Variants in SENP7 observed in about 807,000 individuals in gnomAD.
The protein encoded by SENP7 is sentrin-specific protease 7.
In SENP7, 64 loss-of-function variants were observed where a neutral mutation model predicts 141.2. That is an observed-to-expected ratio of 0.45 (90% CI 0.37 to 0.56). The LOEUF (loss-of-function observed/expected upper bound fraction) is 0.56. Among genes scored for constraint, SENP7 ranks in the 20% least tolerant of loss-of-function variants. The pLI, the probability that SENP7 is intolerant of heterozygous loss-of-function variation, is 0.00. For missense variants in SENP7, 1,025 were observed against 1,212.2 expected (o/e 0.85, Z 2.29); for synonymous variants, 382 against 426.4 (o/e 0.90, Z 1.28).
chr3:101,485,512 A>C (rs573208573), intron 3 of SENP7, among the ~76,000 whole-genome samples: 13 of 152,218 alleles, frequency 8.5e-5, no homozygotes, highest in African/African-American at 3.1e-4. Context: ...GAGAGACAAC[A>C]ATCACTGCAG....
chr3:101,348,652 G>A (rs1285617125), intron 12 of SENP7, among the ~76,000 whole-genome samples: 2 of 152,018 alleles, frequency 1.3e-5, no homozygotes, highest in South Asian at 2.1e-4. Context: ...GTTCTGAATG[G>A]TCTAAGGAGA....
chr3:101,487,280 C>CAT (rs1227546757), intron 3 of SENP7, among the ~76,000 whole-genome samples: 2 of 152,106 alleles, frequency 1.3e-5, no homozygotes, highest in East Asian at 3.9e-4. Context: ...TTACCATTTA[C>CAT]ATATATATAT....
intron 7 of SENP7, among the ~76,000 whole-genome samples, chr3:101,370,456 C>T (rs1475875213): frequency 6.6e-6 from 1 of 152,120 alleles, no homozygotes; most frequent in East Asian, 1.9e-4. Flanking sequence ...TCCATGGATC[C>T]ATAAGCCCCT....
intron 6 of SENP7, among the ~76,000 whole-genome samples, chr3:101,392,385 A>G (rs998130270): frequency 1.3e-5 from 2 of 152,232 alleles, no homozygotes; most frequent in Non-Finnish European, 2.9e-5. Flanking sequence ...ACATAGAAAA[A>G]TCAGTAGCAT....
chr3:101,383,804 G>A (rs928914216), intron 6 of SENP7, among the ~76,000 whole-genome samples: 2 of 152,230 alleles, frequency 1.3e-5, no homozygotes, highest in Non-Finnish European at 2.9e-5. Flanking sequence ...CTGGGGATAG[G>A]AGGTTGATGG....
At chr3:101,421,185 C>G in intron 4 of SENP7, among the ~76,000 whole-genome samples, 1 of 151,796 alleles carries the variant, frequency 6.6e-6, no homozygotes, top group East Asian at 1.9e-4. Flanking sequence ...ATGATGCCTG[C>G]AACTTACTCT....
intron 4 of SENP7, among the ~76,000 whole-genome samples, chr3:101,434,146 A>G (rs1193250611): frequency 1.3e-5 from 2 of 152,186 alleles, no homozygotes; most frequent in Non-Finnish European, 2.9e-5. Flanking sequence ...TACTATACAA[A>G]TATATGGAAA....
At chr3:101,377,561 T>C (rs1350920112) in intron 6 of SENP7, among the ~76,000 whole-genome samples, 1 of 152,026 alleles carries the variant, frequency 6.6e-6, no homozygotes, top group Admixed American at 6.6e-5. Context: ...ATCAGAAAAA[T>C]CCCCTCATGG....
In SENP7 at chr3:101,482,373, T is replaced by C. The variant is rs577384123; in HGVS notation, c.186+11500A>G. On this transcript the variant is annotated intron_variant, in intron 3 of 23. Coordinates refer to ENST00000394095, the MANE Select transcript of SENP7 (RefSeq NM_020654.5). Reference sequence around the variant, plus strand: ...TAACTCTAACAAAATATGTACAAGATCTGTATGAGGAAAGCTACAAAACTG... The same window carrying C: ...TAACTCTAACAAAATATGTACAAGACCTGTATGAGGAAAGCTACAAAACTG... Among the ~76,000 whole-genome samples the C allele has an allele frequency of 1.0e-4, 15 of 149,886 alleles. No individual in the cohort carries two copies. In the South Asian group the frequency reaches 2.5e-3, roughly 25 times the overall value.
chr3:101,432,898 A>C (rs1207379151), intron 4 of SENP7, among the ~76,000 whole-genome samples: 1 of 152,216 alleles, frequency 6.6e-6, no homozygotes, highest in Non-Finnish European at 1.5e-5. Flanking sequence ...AACATCACCA[A>C]GGAAAATAAT....
At chr3:101,447,169 G>T (rs2062929284) in intron 4 of SENP7, among the ~76,000 whole-genome samples, 2 of 152,116 alleles carry the variant, frequency 1.3e-5, no homozygotes, top group African/African-American at 4.8e-5. Context: ...ACAATTCCAG[G>T]CCCAATGGCT....
chr3:101,404,387 C>G (rs1024057225), intron 5 of SENP7, among the ~76,000 whole-genome samples: 4 of 152,006 alleles, frequency 2.6e-5, no homozygotes, highest in Non-Finnish European at 1.5e-5. Context: ...TGAAATTGAA[C>G]CCGATTTTTA....
At chr3:101,399,548 CTG>C (rs1403091596) in intron 5 of SENP7, among the ~76,000 whole-genome samples, 2 of 152,326 alleles carry the variant, frequency 1.3e-5, no homozygotes, top group Non-Finnish European at 2.9e-5. Context: ...GATTCCGTAA[CTG>C]AAACAGCACA....
intron 3 of SENP7, among the ~76,000 whole-genome samples, chr3:101,481,763 T>C (rs1199063283): frequency 1.3e-5 from 2 of 152,188 alleles, no homozygotes; most frequent in African/African-American, 4.8e-5. Context: ...ATGCCATAAA[T>C]ATATACAAAT....
At chr3:101,339,727 A>G (rs1370671841) in intron 16 of SENP7, among the ~76,000 whole-genome samples, 2 of 152,150 alleles carry the variant, frequency 1.3e-5, no homozygotes, top group Non-Finnish European at 2.9e-5. Flanking sequence ...TCAAACAAAA[A>G]AAAAAAGATA....
At position 101,513,113 on chromosome 3, in the gene SENP7, G is replaced by A. The variant is rs778256531; in HGVS notation, c.18C>T (p.Leu6=). MDKRK[L]GRRPSSSEII... ...CACCGGATGAAGATGGCCGTCGCCC[G>A]AGCTTTCTCTTGTCCATCTTCTCCC... Residue 6 remains leucine (L), a synonymous_variant, in exon 1 of 24, where the codon CTC becomes CTT. Coordinates refer to ENST00000394095, the MANE Select transcript of SENP7 (RefSeq NM_020654.5). 2.5e-6 allele frequency: 4 copies of A among 1,609,148 alleles called. No individual in the cohort carries two copies. The African/African-American group carries it at 5.4e-5, about 22-fold the overall frequency.
At chr3:101,406,027 G>A (rs189664978) in intron 5 of SENP7, among the ~76,000 whole-genome samples, 2 of 152,156 alleles carry the variant, frequency 1.3e-5, no homozygotes, top group Admixed American at 1.3e-4. Flanking sequence ...AGAGTGTGGT[G>A]ATTCCTCAAG....
chr3:101,404,777 C>T (rs1447382172), intron 5 of SENP7, among the ~76,000 whole-genome samples: 3 of 152,142 alleles, frequency 2.0e-5, no homozygotes, highest in Non-Finnish European at 4.4e-5. Flanking sequence ...CATGAACAGA[C>T]ACGTTTCTAA....
intron 5 of SENP7, among the ~76,000 whole-genome samples, chr3:101,404,622 T>C (rs1028866725): frequency 3.3e-5 from 5 of 152,106 alleles, no homozygotes; most frequent in Admixed American, 3.3e-4. Context: ...AAACTATCAT[T>C]AGAGTGAACA....
Sources: gnomAD v4.1 joint callset for allele counts (sites outside exome capture counted in the v4.1 genomes callset) on GRCh38, gnomAD v4.1.1 for gene constraint, MANE v1.5 for transcripts, NCBI Gene and HGNC (gene_info 2026-07-23, HGNC 2026-07-21) for gene names.